The following TMPRSS15 variants were observed in gnomAD, a reference collection of about 807,000 sequenced individuals.
TMPRSS15 encodes enteropeptidase.
Under a neutral mutation model 125.3 loss-of-function variants are expected in TMPRSS15, and 128 were observed. That is an observed-to-expected ratio of 1.02 (90% CI 0.89 to 1.18). The LOEUF (loss-of-function observed/expected upper bound fraction) is 1.18, where lower values mean the gene tolerates loss of function less well. Ranked by LOEUF, TMPRSS15 falls within the 50% of genes most tolerant of loss-of-function variation. The pLI is 0.00. For missense variants in TMPRSS15, 1,283 were observed against 1,212.7 expected, an observed-to-expected ratio of 1.06 and a Z score of -0.86; for synonymous variants, 446 against 423.2, an observed-to-expected ratio of 1.05 and a Z score of -0.66.
intron 1 of TMPRSS15, among the ~76,000 whole-genome samples, chr21:18,474,710 C>A (rs777376468): frequency 1.3e-4 from 20 of 152,164 alleles, no homozygotes; most frequent in Admixed American, 2.0e-4. Context: ...CTGAGAAGAT[C>A]AGAACAAACA....
intron 4 of TMPRSS15, 114 bp downstream of exon 4, chr21:18,383,496 AAATGTGTCACCTCAGGC>A: frequency 9.5e-7 from 1 of 1,056,678 alleles, no homozygotes; most frequent in Non-Finnish European, 1.4e-6. Flanking sequence ...TTTCTCATGT[AAATGTGTCACCTCAGGC>A]AATAAGACAT....
intron 18 of TMPRSS15, among the ~76,000 whole-genome samples, chr21:18,303,651 G>A (rs2074998258): frequency 6.6e-6 from 1 of 152,034 alleles, no homozygotes; most frequent in Admixed American, 6.5e-5. Flanking sequence ...AAATGATAAA[G>A]GACATTGTCT....
chr21:18,311,448 C>CA (rs1027267362), intron 18 of TMPRSS15, among the ~76,000 whole-genome samples: 19 of 152,084 alleles, frequency 1.2e-4, no homozygotes, highest in African/African-American at 3.6e-4. Flanking sequence ...AGACATTTCT[C>CA]AAAAAAAGAC....
chr21:18,312,892 G>A, intron 18 of TMPRSS15, 53 bp downstream of exon 18: 1 of 1,604,550 alleles, frequency 6.2e-7, no homozygotes, highest in Non-Finnish European at 8.5e-7. Flanking sequence ...TAATTTGATA[G>A]TAATAAAAAG....
intron 1 of TMPRSS15, among the ~76,000 whole-genome samples, chr21:18,466,491 G>C (rs1437737871): frequency 6.6e-6 from 1 of 151,834 alleles, no homozygotes; most frequent in Non-Finnish European, 1.5e-5. Context: ...TACAGAATGG[G>C]AGAAAATTTT....
intron 16 of TMPRSS15, among the ~76,000 whole-genome samples, chr21:18,319,522 G>A (rs572536706): frequency 8.2e-4 from 120 of 146,722 alleles, no homozygotes; most frequent in Middle Eastern, 3.8e-3. Context: ...TCCGCCTCCC[G>A]GGTTCAAGTG....
At chr21:18,415,537 T>A (rs9981977) in intron 1 of TMPRSS15, among the ~76,000 whole-genome samples, 96,978 of 151,886 alleles carry the variant, frequency 0.64, 31,404 homozygotes, top group Middle Eastern at 0.75. Flanking sequence ...TGAGTGGTGT[T>A]AGGCAGAGAT....
At chr21:18,447,365 G>A (rs376887639) in intron 1 of TMPRSS15, among the ~76,000 whole-genome samples, 20 of 149,176 alleles carry the variant, frequency 1.3e-4, no homozygotes, top group East Asian at 3.9e-4. Flanking sequence ...GCTTGAACCC[G>A]GGAGGCAGAG....
At chr21:18,352,801 G>A in intron 10 of TMPRSS15, 102 bp downstream of exon 10, 1 of 1,196,196 alleles carries the variant, frequency 8.4e-7, no homozygotes, top group Non-Finnish European at 1.2e-6. Flanking sequence ...AAAGACTTTT[G>A]CATTTAATAC....
At chr21:18,417,329 C>T (rs1413431818) in intron 1 of TMPRSS15, among the ~76,000 whole-genome samples, 1 of 152,020 alleles carries the variant, frequency 6.6e-6, no homozygotes. Context: ...ATGATTGTCT[C>T]CCTCTCTTAT....
At chr21:18,290,650 G>T (rs1189726118) in intron 21 of TMPRSS15, among the ~76,000 whole-genome samples, 1 of 151,968 alleles carries the variant, frequency 6.6e-6, no homozygotes, top group African/African-American at 2.4e-5. Flanking sequence ...ATCCTGAATT[G>T]GTTCTAACAT....
intron 21 of TMPRSS15, among the ~76,000 whole-genome samples, chr21:18,286,833 G>A (rs1006830083): frequency 6.6e-6 from 1 of 152,270 alleles, no homozygotes; most frequent in East Asian, 1.9e-4. Flanking sequence ...CGTCACTGCC[G>A]CTCTGCCAAT....
chr21:18,323,854 A>G (rs1401520692), intron 16 of TMPRSS15, among the ~76,000 whole-genome samples: 1 of 152,144 alleles, frequency 6.6e-6, no homozygotes, highest in Non-Finnish European at 1.5e-5. Context: ...CTGCATTTAA[A>G]CAAGCAGTTA....
upstream of TMPRSS15, among the ~76,000 whole-genome samples, chr21:18,408,463 ACTT>A: frequency 6.6e-6 from 1 of 152,276 alleles, no homozygotes; most frequent in Admixed American, 6.5e-5. Flanking sequence ...CATTTCAGAG[ACTT>A]CTTTTTTCTC....
At chr21:18,299,545 G>A (rs146085794) in intron 18 of TMPRSS15, among the ~76,000 whole-genome samples, 57 of 152,336 alleles carry the variant, frequency 3.7e-4, no homozygotes, top group African/African-American at 8.7e-4. Flanking sequence ...TCGTTGATTC[G>A]TGAACATCAC....
intron 1 of TMPRSS15, among the ~76,000 whole-genome samples, chr21:18,437,112 G>A (rs1382014677): frequency 6.7e-6 from 1 of 149,248 alleles, no homozygotes; most frequent in Non-Finnish European, 1.5e-5. Flanking sequence ...GCATGGTACT[G>A]GTACCAAAAC....
chr21:18,409,116 G>GT (rs1163690706), intron 1 of TMPRSS15, among the ~76,000 whole-genome samples: 1 of 151,360 alleles, frequency 6.6e-6, no homozygotes, highest in Non-Finnish European at 1.5e-5. Flanking sequence ...TAAGTGACAA[G>GT]TTTTTTTTCC....
intron 1 of TMPRSS15, among the ~76,000 whole-genome samples, chr21:18,472,455 TTATATA>T (rs34604020): frequency 0.47 from 66,579 of 143,060 alleles, 16,089 homozygotes; most frequent in East Asian, 0.87. Flanking sequence ...GCTAAAAGAA[TTATATA>T]TATATATATA....
chr21:18,349,002 A>C lies in TMPRSS15; in HGVS notation c.1171+3901T>G, dbSNP rs573354872. 4.6e-5 allele frequency among the ~76,000 whole-genome samples: 7 copies of C among 152,312 alleles called. No individual in the cohort carries two copies. In the South Asian group the frequency reaches 1.4e-3, roughly 32 times the overall value. ...GGGAATTGGGACAGAAATAGAAGAT[A>C]GGAAACTTGCCTAAATGGCAGGGCT... On this transcript the variant is annotated intron_variant, in intron 10 of 24. Transcript: ENST00000284885.
Sources: gnomAD v4.1 joint callset for allele counts (sites outside exome capture counted in the v4.1 genomes callset) on GRCh38, gnomAD v4.1.1 for gene constraint, MANE v1.5 for transcripts, NCBI Gene and HGNC (gene_info 2026-07-23, HGNC 2026-07-21) for gene names.